Variants in GPSM2 observed in about 807,000 individuals in gnomAD.
GPSM2 encodes the protein G protein-signaling modulator 2.
Under a neutral mutation model 78.4 loss-of-function variants are expected in GPSM2, and 58 were observed. The ratio of observed to expected loss-of-function variants is 0.74; its 90% confidence interval spans 0.60 to 0.92. The LOEUF (loss-of-function observed/expected upper bound fraction) is 0.92. Among genes scored for constraint, GPSM2 ranks in the 40% least tolerant of loss-of-function variants. GPSM2 has a pLI of 0.00. For synonymous variants in GPSM2, 224 were observed against 280.2 expected (o/e 0.80, Z 2.00); for missense variants, 700 against 815.5 (o/e 0.86, Z 1.73).
chr1:108,878,875 C>T (rs935125493), intron 1 of GPSM2, among the ~76,000 whole-genome samples: 1 of 152,112 alleles, frequency 6.6e-6, no homozygotes, highest in African/African-American at 2.4e-5. Context: ...GAGAGTTTAG[C>T]GTAAGATCAT....
chr1:108,900,926 A>G (rs1388667772), intron 7 of GPSM2, among the ~76,000 whole-genome samples: 1 of 152,220 alleles, frequency 6.6e-6, no homozygotes, highest in Non-Finnish European at 1.5e-5. Flanking sequence ...TAATTATACT[A>G]TTTGACAGAA....
intron 13 of GPSM2, among the ~76,000 whole-genome samples, chr1:108,923,742 T>C (rs987368249): frequency 1.3e-5 from 2 of 152,202 alleles, no homozygotes; most frequent in Non-Finnish European, 2.9e-5. Context: ...GAGCATTAAA[T>C]AGAGAAATAT....
rs1240219713 is a variant in GPSM2 at position 108,933,954 on chromosome 1, A to AT, written c.*4015dup. 6.6e-6 allele frequency: 1 copy of AT among 152,252 alleles called. No homozygotes were observed. Among genetic ancestry groups the AT allele is most frequent in the African/African-American group, 2.4e-5 (1 of 41,474 alleles). The allele number at this position is 152,252 out of a possible 1,614,324, so 9.4% of individuals were successfully genotyped here. On this transcript the variant is annotated 3_prime_UTR_variant, in exon 15 of 15. Transcript: ENST00000264126. ...CTGAGTAACACAAAAAATAGGTTTT[A>AT]TAAAAAGCCCATGCACTTCAATTGG...
At chr1:108,903,717 A>G (rs985377922) in intron 9 of GPSM2, among the ~76,000 whole-genome samples, 4 of 152,190 alleles carry the variant, frequency 2.6e-5, no homozygotes, top group Admixed American at 1.3e-4. Flanking sequence ...GTGCCTAGCA[A>G]AATGTCTGGT....
chr1:108,919,879 T>A (rs1486477101), intron 12 of GPSM2, among the ~76,000 whole-genome samples: 1 of 152,178 alleles, frequency 6.6e-6, no homozygotes, highest in Admixed American at 6.6e-5. Flanking sequence ...TCAAATCCAT[T>A]TATCTGCCGG....
At chr1:108,881,050 C>T (rs1665869805) in intron 1 of GPSM2, among the ~76,000 whole-genome samples, 1 of 152,162 alleles carries the variant, frequency 6.6e-6, no homozygotes, top group African/African-American at 2.4e-5. Flanking sequence ...TGGAAGTCCA[C>T]CTAGCTGTCT....
chr1:108,880,135 A>G (rs1167634399), intron 1 of GPSM2, among the ~76,000 whole-genome samples: 1 of 152,230 alleles, frequency 6.6e-6, no homozygotes, highest in Admixed American at 6.5e-5. Context: ...ACAAAACATT[A>G]TTGAATAGAA....
chr1:108,922,600 C>G, intron 13 of GPSM2, 24 bp downstream of exon 13: 1 of 1,564,676 alleles, frequency 6.4e-7, no homozygotes, highest in Non-Finnish European at 8.8e-7. Context: ...GTTTCTCCCC[C>G]GATTTTAATA....
At chr1:108,898,194 G>T (rs1209543023) in intron 5 of GPSM2, 93 bp downstream of exon 5, 3 of 1,286,450 alleles carry the variant, frequency 2.3e-6, no homozygotes, top group Non-Finnish European at 3.4e-6. Context: ...TTTAAGTTTG[G>T]CAAAGATTTT....
At chr1:108,916,841 A>C (rs1650270428) in intron 11 of GPSM2, among the ~76,000 whole-genome samples, 1 of 152,244 alleles carries the variant, frequency 6.6e-6, no homozygotes, top group Non-Finnish European at 1.5e-5. Flanking sequence ...ATAGTAAAGA[A>C]GCATACATAA....
chr1:108,910,043 GTTTTC>G (rs934229217), intron 10 of GPSM2: 1 of 151,286 alleles, frequency 6.6e-6, no homozygotes, highest in Non-Finnish European at 1.5e-5. Context: ...TTAAAACAGT[GTTTTC>G]TTTAAGTCAA....
At chr1:108,920,154 G>A (rs1040944613) in intron 12 of GPSM2, among the ~76,000 whole-genome samples, 5 of 150,514 alleles carry the variant, frequency 3.3e-5, no homozygotes, top group South Asian at 2.1e-4. Flanking sequence ...GTGACAGAGT[G>A]AGACCCCATC....
intron 7 of GPSM2, among the ~76,000 whole-genome samples, chr1:108,901,312 T>A (rs1557864530): frequency 6.6e-6 from 1 of 152,218 alleles, no homozygotes; most frequent in Non-Finnish European, 1.5e-5. Context: ...TGGTGACTAA[T>A]GCCCGATACA....
intron 10 of GPSM2, among the ~76,000 whole-genome samples, chr1:108,911,929 C>T (rs1046674685): frequency 6.6e-6 from 1 of 151,692 alleles, no homozygotes; most frequent in Non-Finnish European, 1.5e-5. Flanking sequence ...CCTCAGCCTC[C>T]TGAGTAGCTG....
intron 8 of GPSM2, 147 bp downstream of exon 8, chr1:108,902,092 T>C (rs1648871518): frequency 1.6e-6 from 1 of 641,034 alleles, no homozygotes; most frequent in South Asian, 1.8e-5. Context: ...TGTATATCAT[T>C]GTATGAAGGG....
intron 10 of GPSM2, among the ~76,000 whole-genome samples, chr1:108,908,278 G>A (rs1649406034): frequency 6.6e-6 from 1 of 152,102 alleles, no homozygotes; most frequent in Admixed American, 6.5e-5. Context: ...GGCTGAGGCA[G>A]GAGAATGGCG....
Position 108,930,188 on chromosome 1 carries a change from TTG to T in GPSM2, c.*251_*252del. The T allele has an allele frequency of 2.2e-6, 1 of 450,488 alleles. No individual in the cohort carries two copies. The highest frequency in any genetic ancestry group is 3.9e-6 in the Non-Finnish European group (1 of 254,338). The allele number at this position is 450,488 out of a possible 1,614,324, so 27.9% of individuals were successfully genotyped here. A position where few individuals can be genotyped will look rare whatever the true frequency, so the allele number is the denominator to read the frequency against. Reference sequence around the variant, plus strand: ...TGCTTGGGATGTGTTCTTTGGCAGCTTGTGAGATTACTTTACCTAGTGTTTAT... The same window carrying T: ...TGCTTGGGATGTGTTCTTTGGCAGCTTGAGATTACTTTACCTAGTGTTTAT... On this transcript the variant is annotated 3_prime_UTR_variant, in exon 15 of 15. Coordinates refer to ENST00000264126, the MANE Select transcript of GPSM2 (RefSeq NM_013296.5).
intron 11 of GPSM2, among the ~76,000 whole-genome samples, chr1:108,916,784 C>T (rs1570941093): frequency 2.0e-5 from 3 of 152,134 alleles, no homozygotes; most frequent in African/African-American, 7.2e-5. Context: ...GGTTTCTTTT[C>T]CTCATAATAA....
chr1:108,906,874 G>A (rs932607399), intron 10 of GPSM2, among the ~76,000 whole-genome samples: 3 of 152,080 alleles, frequency 2.0e-5, no homozygotes, highest in African/African-American at 7.2e-5. Context: ...CTATAGGCAC[G>A]ACCTCCTAGG....
Sources: allele counts gnomAD v4.1 joint callset (sites outside exome capture counted in the v4.1 genomes callset), GRCh38; gene constraint gnomAD v4.1.1; transcripts MANE v1.5; gene names NCBI Gene and HGNC (gene_info 2026-07-23, HGNC 2026-07-21).